Variants in SCIN observed in about 807,000 individuals in gnomAD.
The protein encoded by SCIN is scinderin.
Under a neutral mutation model 91.8 loss-of-function variants are expected in SCIN, and 91 were observed. That is an observed-to-expected ratio of 0.99 (90% CI 0.84 to 1.18). The LOEUF is 1.18. Among genes scored for constraint, SCIN ranks in the 50% most tolerant of loss-of-function variants. SCIN has a pLI of 0.00. For synonymous variants in SCIN, 367 were observed against 312.6 expected (o/e 1.17, Z -1.84); for missense variants, 1,087 against 863.9 (o/e 1.26, Z -3.24).
chr7:12,625,166 T>G (rs1359075213), intron 6 of SCIN, 24 bp downstream of exon 6: 7 of 1,594,232 alleles, frequency 4.4e-6, no homozygotes, highest in Non-Finnish European at 6.0e-6. Flanking sequence ...TTGACGATGC[T>G]GTATTTCAGA....
intron 5 of SCIN, among the ~76,000 whole-genome samples, chr7:12,623,370 G>T (rs1447730620): frequency 6.6e-6 from 1 of 152,134 alleles, no homozygotes; most frequent in Admixed American, 6.6e-5. Flanking sequence ...AAACAGTTCT[G>T]TTCCAGGCAT....
chr7:12,657,922 A>T lies in SCIN; in HGVS notation c.*5207A>T, dbSNP rs572913999. 6.6e-6 allele frequency: 1 copy of T among 152,138 alleles called. No individual in the cohort carries two copies. Among genetic ancestry groups the T allele is most frequent in the Non-Finnish European group, 1.5e-5 (1 of 68,036 alleles). 9.4% of individuals were successfully genotyped at this position (152,138 alleles called of 1,614,324 possible). A position where few individuals can be genotyped will look rare whatever the true frequency, so the allele number is the denominator to read the frequency against. ...TCATATTTCCTGTTGCCTATAAAAA[A>T]TTGATGCTTTAATTTAGTTAACATG... is the stretch of plus-strand genomic sequence containing the variant. On this transcript the variant is annotated 3_prime_UTR_variant, in exon 16 of 16. Coordinates refer to ENST00000297029, the MANE Select transcript of SCIN (RefSeq NM_001112706.3).
chr7:12,599,960 G>C (rs1782924528), intron 3 of SCIN, among the ~76,000 whole-genome samples: 1 of 152,104 alleles, frequency 6.6e-6, no homozygotes, highest in African/African-American at 2.4e-5. Context: ...CCATTCTGTG[G>C]GTTGTCTGTT....
At chr7:12,571,086 A>C in intron 1 of SCIN, 101 bp downstream of exon 1, 1 of 1,286,082 alleles carries the variant, frequency 7.8e-7, no homozygotes, top group Non-Finnish European at 1.0e-6. Context: ...GGGACCGCAA[A>C]CTGAGCTAGC....
At chr7:12,613,867 C>G (rs1783246056) in intron 4 of SCIN, among the ~76,000 whole-genome samples, 1 of 152,010 alleles carries the variant, frequency 6.6e-6, no homozygotes, top group Non-Finnish European at 1.5e-5. Context: ...TGTTAGATAT[C>G]CCATAATCTA....
At chr7:12,598,674 C>T (rs1782891977) in intron 3 of SCIN, among the ~76,000 whole-genome samples, 1 of 152,150 alleles carries the variant, frequency 6.6e-6, no homozygotes, top group Non-Finnish European at 1.5e-5. Flanking sequence ...AGGCAGATCG[C>T]TTGAACCCAG....
intron 4 of SCIN, among the ~76,000 whole-genome samples, chr7:12,619,581 T>G (rs894583742): frequency 2.0e-5 from 3 of 152,110 alleles, no homozygotes; most frequent in Non-Finnish European, 2.9e-5. Context: ...AGGGTGGTCT[T>G]GAGACAGGTC....
rs976201320 is a variant in SCIN, at chr7:12,656,398, C to T, written c.*3683C>T. Reference sequence around the variant, plus strand: ...CTTTTAAACCTAATTTATTTTAAACCTAATTTATTTATTTTAAACCTAATT... The same window carrying T: ...CTTTTAAACCTAATTTATTTTAAACTTAATTTATTTATTTTAAACCTAATT... On this transcript the variant is annotated 3_prime_UTR_variant, in exon 16 of 16. Coordinates refer to ENST00000297029, the MANE Select transcript of SCIN (RefSeq NM_001112706.3). The T allele has an allele frequency of 2.0e-5, 3 of 152,122 alleles. No individual in the cohort carries two copies. The highest frequency in any genetic ancestry group is 1.3e-4 in the Admixed American group (2 of 15,284). 9.4% of individuals were successfully genotyped at this position (152,122 alleles called of 1,614,324 possible). A position where few individuals can be genotyped will look rare whatever the true frequency, so the allele number is the denominator to read the frequency against.
At chr7:12,577,805 A>G (rs1782406094) in intron 1 of SCIN, 3 of 453,928 alleles carry the variant, frequency 6.6e-6, no homozygotes, top group Non-Finnish European at 1.2e-5. Context: ...ACAGTGAGCT[A>G]TGATTATGCC....
intron 3 of SCIN, among the ~76,000 whole-genome samples, chr7:12,581,482 C>T (rs891334739): frequency 9.2e-5 from 14 of 152,138 alleles, no homozygotes; most frequent in African/African-American, 3.4e-4. Flanking sequence ...ATACATTTCC[C>T]CTTCTCTCTG....
intron 3 of SCIN, among the ~76,000 whole-genome samples, chr7:12,602,549 G>A (rs890240772): frequency 1.2e-4 from 19 of 152,184 alleles, no homozygotes; most frequent in African/African-American, 4.1e-4. Context: ...TATTTCAACC[G>A]CATAAGACAG....
chr7:12,620,765 G>A (rs1035112427), intron 4 of SCIN, among the ~76,000 whole-genome samples: 10 of 152,138 alleles, frequency 6.6e-5, no homozygotes, highest in African/African-American at 2.4e-4. Context: ...GGAGAATTGA[G>A]AGTGGCTAAT....
chr7:12,592,480 T>C (rs1028640874), intron 3 of SCIN, among the ~76,000 whole-genome samples: 1 of 151,930 alleles, frequency 6.6e-6, no homozygotes, highest in Non-Finnish European at 1.5e-5. Flanking sequence ...TGGAAGAGTC[T>C]TTTAACTGGA....
intron 4 of SCIN, among the ~76,000 whole-genome samples, chr7:12,618,864 T>G (rs1783350549): frequency 6.6e-6 from 1 of 152,076 alleles, no homozygotes; most frequent in Admixed American, 6.6e-5. Flanking sequence ...TTAGTGAAAA[T>G]AAAACAGAGT....
Position 12,652,903 on chromosome 7 carries a change from G to A in SCIN, c.*188G>A. The A allele has an allele frequency of 9.9e-6, 6 of 604,600 alleles. No individual in the cohort carries two copies. The highest frequency in any genetic ancestry group is 1.6e-5 in the Non-Finnish European group (6 of 370,256). 37.5% of individuals were successfully genotyped at this position (604,600 alleles called of 1,614,324 possible). Reference sequence around the variant, plus strand: ...CGGATCACTGGGGTCAGGATTTCGAGACCAGCCTGGCCAACATGGCGAAAC... The same window carrying A: ...CGGATCACTGGGGTCAGGATTTCGAAACCAGCCTGGCCAACATGGCGAAAC... On this transcript the variant is annotated 3_prime_UTR_variant, in exon 16 of 16. Coordinates refer to ENST00000297029, the MANE Select transcript of SCIN (RefSeq NM_001112706.3).
At position 12,649,512 on chromosome 7, in the gene SCIN, G is replaced by T. The variant is rs76638693; in HGVS notation, c.1927G>T (p.Asp643Tyr). 1 of 1,602,902 alleles carries T rather than the reference G, an allele frequency of 6.2e-7. No homozygotes were observed. The highest frequency in any genetic ancestry group is 8.5e-7 in the Non-Finnish European group (1 of 1,174,324). ...GTTCACCCAGGATGATTTAGCTGAA[G>T]ATGATGTCATGTTACTAGATGCTTG... ...GEFTQDDLAE[D>Y]DVMLLDAWEQ... is the part of the protein sequence containing the mutation. Residue 643 changes from aspartate to tyrosine, a missense_variant, in exon 14 of 16, where the codon GAT becomes TAT. Transcript: ENST00000297029.
Position 12,652,931 on chromosome 7 carries a change from C to T in SCIN, c.*216C>T, listed in dbSNP as rs148712554. On this transcript the variant is annotated 3_prime_UTR_variant, in exon 16 of 16. Transcript: ENST00000297029. ...CAGCCTGGCCAACATGGCGAAACCT[C>T]GCCTCTACTAAAAATACAAAAAAAT... 2.6e-3 allele frequency: 1,206 copies of T among 455,200 alleles called. 18 individuals carry two copies. The highest frequency in any genetic ancestry group is 0.023 in the African/African-American group (1,111 of 47,638). 28.2% of individuals were successfully genotyped at this position (455,200 alleles called of 1,614,324 possible).
chr7:12,618,284 C>T (rs1388550581), intron 4 of SCIN, among the ~76,000 whole-genome samples: 1 of 152,164 alleles, frequency 6.6e-6, no homozygotes, highest in Non-Finnish European at 1.5e-5. Flanking sequence ...CTGTGTGGGA[C>T]AGCAAAGATG....
Position 12,644,189 on chromosome 7 carries a change from C to T in SCIN, c.1633C>T (p.Leu545=). The change falls in exon 12 of 16, where the codon CTG becomes TTG. Residue 545 remains leucine (L), a synonymous_variant. Coordinates refer to ENST00000297029, the MANE Select transcript of SCIN (RefSeq NM_001112706.3). ...LNSNDVFVLK[L]PQNSGYIWVG... is the part of the protein sequence containing the mutation. ...TTCTAACGATGTTTTTGTCCTGAAA[C>T]TGCCACAAAATAGTGGCTACATCTG... is the stretch of plus-strand genomic sequence containing the variant. The T allele has an allele frequency of 1.9e-6, 3 of 1,612,936 alleles. No individual in the cohort carries two copies. The highest frequency in any genetic ancestry group is 2.2e-5 in the South Asian group (2 of 90,826).
Sources: allele counts gnomAD v4.1 joint callset (sites outside exome capture counted in the v4.1 genomes callset), GRCh38; gene constraint gnomAD v4.1.1; transcripts MANE v1.5; gene names NCBI Gene and HGNC (gene_info 2026-07-23, HGNC 2026-07-21).